The following UBR2 variants were observed in gnomAD, a reference collection of about 807,000 sequenced individuals.
UBR2 encodes ubiquitin protein ligase E3 component n-recognin 2.
In UBR2, 92 loss-of-function variants were observed where a neutral mutation model predicts 247.9. The ratio of observed to expected loss-of-function variants is 0.37; its 90% CI spans 0.31 to 0.44. UBR2 has a LOEUF of 0.44. Among genes scored for constraint, UBR2 ranks in the 20% least tolerant of loss-of-function variants. UBR2 has a pLI of 1.00. For synonymous variants in UBR2, 672 were observed against 693.5 expected (o/e 0.97, Z 0.49); for missense variants, 1,613 against 2,112.6 (o/e 0.76, Z 4.64).
At chr6:42,568,810 G>A (rs1790937905) in intron 1 of UBR2, among the ~76,000 whole-genome samples, 1 of 152,178 alleles carries the variant, frequency 6.6e-6, no homozygotes, top group African/African-American at 2.4e-5. Flanking sequence ...GCCACCAGAA[G>A]TGTTTTGGAT....
intron 1 of UBR2, among the ~76,000 whole-genome samples, chr6:42,571,779 C>T (rs1354457272): frequency 6.7e-6 from 1 of 148,858 alleles, no homozygotes; most frequent in Non-Finnish European, 1.5e-5. Context: ...ATTTGACTAC[C>T]TTCATTCTTG....
intron 1 of UBR2, among the ~76,000 whole-genome samples, chr6:42,570,382 A>G (rs1363065651): frequency 6.6e-6 from 1 of 151,962 alleles, no homozygotes; most frequent in African/African-American, 2.4e-5. Context: ...ACAGGCGTGC[A>G]CCACCACTCC....
rs1025385913 is a variant in UBR2 at position 42,692,573 on chromosome 6, C to CAGAT, written c.*1401_*1404dup. The CAGAT allele has an allele frequency of 2.5e-4, 38 of 152,320 alleles. No homozygotes were observed. Among genetic ancestry groups the CAGAT allele is most frequent in the African/African-American group, 8.9e-4 (37 of 41,558 alleles). 9.4% of individuals were successfully genotyped at this position (152,320 alleles called of 1,614,324 possible). ...GCCTGTCTAAGGTGGGGCTAAGGAACAGATGAGTAATAAGAGGCTCTTGGA... is the reference window on the plus strand; with the variant it reads ...GCCTGTCTAAGGTGGGGCTAAGGAACAGATAGATGAGTAATAAGAGGCTCTTGGA... On this transcript the variant is annotated 3_prime_UTR_variant, in exon 47 of 47. Transcript: ENST00000372901.
At chr6:42,632,476 T>C in intron 11 of UBR2, 76 bp from the exon 12 acceptor site, 1 of 1,331,174 alleles carries the variant, frequency 7.5e-7, no homozygotes, top group East Asian at 2.6e-5. Flanking sequence ...AGCTAAACAA[T>C]GTTGGTGACT....
At chr6:42,627,098 G>T (rs1428377348) in intron 11 of UBR2, among the ~76,000 whole-genome samples, 1 of 152,092 alleles carries the variant, frequency 6.6e-6, no homozygotes. Flanking sequence ...TAGAGCCTAG[G>T]TTTGGAGGGC....
At chr6:42,616,242 TTATC>T in intron 10 of UBR2, 152 bp downstream of exon 10, 1 of 543,100 alleles carries the variant, frequency 1.8e-6, no homozygotes, top group South Asian at 3.0e-5. Context: ...TTTTCATTCT[TTATC>T]AATAGAATAA....
At chr6:42,661,232 G>C (rs1562373819) in intron 30 of UBR2, among the ~76,000 whole-genome samples, 1 of 151,980 alleles carries the variant, frequency 6.6e-6, no homozygotes, top group Non-Finnish European at 1.5e-5. Flanking sequence ...AGCTTGCAGT[G>C]AGTCGAGATC....
chr6:42,596,069 T>C (rs1234836844), intron 4 of UBR2, among the ~76,000 whole-genome samples: 1 of 149,952 alleles, frequency 6.7e-6, no homozygotes, highest in South Asian at 2.1e-4. Flanking sequence ...TATAAAACTT[T>C]AGGACTGCAG....
intron 1 of UBR2, among the ~76,000 whole-genome samples, chr6:42,568,016 C>T (rs1030539042): frequency 1.3e-5 from 2 of 152,122 alleles, no homozygotes; most frequent in African/African-American, 4.8e-5. Flanking sequence ...CACTGTACTC[C>T]ATCTTGGGTG....
chr6:42,662,150 C>CTTTTGTTTTG (rs528521899), intron 30 of UBR2, 34 bp from the exon 31 acceptor site: 2 of 1,353,292 alleles, frequency 1.5e-6, no homozygotes, highest in East Asian at 4.7e-5. Flanking sequence ...AAATGCTTCA[C>CTTTTGTTTTG]TTTTGTTTTG....
At chr6:42,641,388 T>A in intron 16 of UBR2, among the ~76,000 whole-genome samples, 194 bp from the exon 17 acceptor site, 1 of 152,000 alleles carries the variant, frequency 6.6e-6, no homozygotes. Flanking sequence ...GGCTTGAACC[T>A]GGGAGGCCGA....
At chr6:42,675,389 G>A (rs1338784445) in intron 38 of UBR2, among the ~76,000 whole-genome samples, 2 of 152,180 alleles carry the variant, frequency 1.3e-5, no homozygotes, top group African/African-American at 4.8e-5. Flanking sequence ...CATAAGAGGA[G>A]GAGGTAGGAT....
chr6:42,603,562 TC>T (rs760640966), intron 4 of UBR2, 25 bp from the exon 5 acceptor site: 1 of 1,530,312 alleles, frequency 6.5e-7, no homozygotes, highest in South Asian at 1.3e-5. Context: ...TTTTTCTTTT[TC>T]TTTTTTTTCT....
At chr6:42,669,241 C>G (rs1798295640) in intron 34 of UBR2, among the ~76,000 whole-genome samples, 1 of 152,178 alleles carries the variant, frequency 6.6e-6, no homozygotes, top group African/African-American at 2.4e-5. Flanking sequence ...TCTGTTACTT[C>G]TGAAAACTGT....
chr6:42,593,225 T>C (rs1326123720), intron 3 of UBR2, among the ~76,000 whole-genome samples: 1 of 152,054 alleles, frequency 6.6e-6, no homozygotes, highest in East Asian at 1.9e-4. Flanking sequence ...GGGCTACTTA[T>C]ATTCTTGTCT....
intron 10 of UBR2, 150 bp downstream of exon 10, chr6:42,616,240 C>A (rs1794539902): frequency 3.7e-6 from 2 of 544,626 alleles, no homozygotes; most frequent in Non-Finnish European, 6.2e-6. Flanking sequence ...TCTTTTCATT[C>A]TTTATCAATA....
At chr6:42,571,841 G>A (rs931315306) in intron 1 of UBR2, among the ~76,000 whole-genome samples, 3 of 151,118 alleles carry the variant, frequency 2.0e-5, no homozygotes, top group Non-Finnish European at 4.4e-5. Context: ...TTTGAATGAG[G>A]CCAAAACGAG....
rs1799823744 is a variant in UBR2 at position 42,693,023 on chromosome 6, T to C, written c.*1850T>C. On this transcript the variant is annotated 3_prime_UTR_variant, in exon 47 of 47. Transcript: ENST00000372901. ...TTTAGCTTTTAAGGTAAGCTTCTTT[T>C]GGCTTTTTTTCATATGTTCACCAAG... The C allele has an allele frequency of 6.6e-6, 1 of 152,236 alleles. No homozygotes were observed. The highest frequency in any genetic ancestry group is 2.1e-4 in the South Asian group (1 of 4,836). The allele number at this position is 152,236 out of a possible 1,614,324, so 9.4% of individuals were successfully genotyped here.
At chr6:42,604,689 T>C (rs1793588828) in intron 5 of UBR2, among the ~76,000 whole-genome samples, 1 of 152,186 alleles carries the variant, frequency 6.6e-6, no homozygotes, top group African/African-American at 2.4e-5. Flanking sequence ...ATTCTGATTA[T>C]ATCTCCTATC....
Sources: allele counts gnomAD v4.1 joint callset (sites outside exome capture counted in the v4.1 genomes callset), GRCh38; gene constraint gnomAD v4.1.1; transcripts MANE v1.5; gene names NCBI Gene and HGNC (gene_info 2026-07-23, HGNC 2026-07-21).